NTRK1: variants seen among roughly 807,000 people sequenced by gnomAD.
NTRK1 encodes the protein high affinity nerve growth factor receptor.
Under a neutral mutation model 86.8 loss-of-function variants are expected in NTRK1, and 62 were observed. The observed-to-expected ratio is 0.71, with a 90% CI of 0.58 to 0.88. The LOEUF is 0.88. Ranked by LOEUF, NTRK1 falls within the 40% of genes least tolerant of loss-of-function variation. The pLI is 0.00. For missense variants in NTRK1, 967 were observed against 1,078.4 expected (o/e 0.90, Z 1.45); for synonymous variants, 469 against 456.6 (o/e 1.03, Z -0.35).
At chr1:156,858,885 G>A, upstream of NTRK1, 1 of 502,096 alleles carries the variant, frequency 2.0e-6, no homozygotes, top group Admixed American at 3.2e-5. Context: ...GATGCAGACA[G>A]TGACAGGGAG....
chr1:156,818,156 A>G (rs1378021223), intron 1 of NTRK1, among the ~76,000 whole-genome samples: 1 of 152,072 alleles, frequency 6.6e-6, no homozygotes, highest in African/African-American at 2.4e-5. Flanking sequence ...TCCTTTCACT[A>G]ATTTCACTGT....
rs184320190 is a variant in NTRK1 at position 156,817,225 on chromosome 1, A to C, written c.-64+1387A>C. 2.0e-5 allele frequency among the ~76,000 whole-genome samples: 3 copies of C among 152,106 alleles called. No homozygotes were observed. In the East Asian group the frequency reaches 5.8e-4, roughly 29 times the overall value. On this transcript the variant is annotated intron_variant, in intron 1 of 16. Transcript: ENST00000392302. Reference sequence around the variant, plus strand: ...TGCTTTGAGGAGACATGAGGAAGGGAGGGGGCAGGGCTGCAACAGGAAGGA... The same window carrying C: ...TGCTTTGAGGAGACATGAGGAAGGGCGGGGGCAGGGCTGCAACAGGAAGGA...
intron 1 of NTRK1, among the ~76,000 whole-genome samples, chr1:156,819,151 C>T (rs184792637): frequency 6.6e-6 from 1 of 152,142 alleles, no homozygotes; most frequent in African/African-American, 2.4e-5. Context: ...TACAGGTGAG[C>T]ACCAACCATG....
rs1420146544 is a variant in NTRK1, at chr1:156,854,332, A to T, written c.51-10022A>T. 1.9e-6 allele frequency: 3 copies of T among 1,568,310 alleles called. No individual in the cohort carries two copies. Among genetic ancestry groups the T allele is most frequent in the Non-Finnish European group, 2.6e-6 (3 of 1,157,500 alleles). ...TGGGCATACACGGCACGCAGCATTG[A>T]GTACAGCCCAGGCCAAATTCCCCAT... On this transcript the variant is annotated intron_variant, in intron 2 of 16. Transcript: ENST00000392302. This position sits in a 1 kb window ranked among gnomAD's most constrained non-coding sequence, Gnocchi z 4.2.
chr1:156,864,429 G>GT lies in NTRK1; in HGVS notation c.287+2dup, dbSNP rs768373757. On this transcript the variant is annotated splice_donor_variant, in intron 2 of 16. Coordinates refer to ENST00000524377, the MANE Select transcript of NTRK1 (RefSeq NM_002529.4). LOFTEE classifies it high-confidence loss of function. ...GGGGCCTGGGGGAGCTGAGAAACCT[G>GT]TGAGGGAAACGGGGACTGTGGGTGT... is the stretch of plus-strand genomic sequence containing the variant. 7 of 1,613,484 alleles carry GT rather than the reference G, an allele frequency of 4.3e-6. No homozygotes were observed. The East Asian group carries it at 1.1e-4, about 26-fold the overall frequency.
At chr1:156,868,366 T>C (rs1647301690) in intron 5 of NTRK1, 117 bp downstream of exon 5, 2 of 1,534,096 alleles carry the variant, frequency 1.3e-6, no homozygotes, top group Non-Finnish European at 1.8e-6. Flanking sequence ...TGGCAAAGGC[T>C]GGGGGAAACT....
chr1:156,834,183 A>G (rs1001618273), intron 1 of NTRK1, among the ~76,000 whole-genome samples: 14 of 152,208 alleles, frequency 9.2e-5, no homozygotes, highest in Non-Finnish European at 5.9e-5. Context: ...GAGATCAGAA[A>G]GGGCATCACG....
At chr1:156,828,457 GCCCTTCC>G (rs1654380677) in intron 1 of NTRK1, among the ~76,000 whole-genome samples, 1 of 152,268 alleles carries the variant, frequency 6.6e-6, no homozygotes, top group Non-Finnish European at 1.5e-5. Flanking sequence ...GAGGATAACA[GCCCTTCC>G]AGGGAGAGGC....
chr1:156,816,987 C>CCGT, intron 1 of NTRK1: 1 of 319,920 alleles, frequency 3.1e-6, no homozygotes, highest in Non-Finnish European at 5.7e-6. Flanking sequence ...CTTACTGCTG[C>CCGT]CTGACCTTCA....
At chr1:156,849,503 C>T in intron 2 of NTRK1, 2 of 483,664 alleles carry the variant, frequency 4.1e-6, no homozygotes, top group East Asian at 5.3e-5. Context: ...GAGGTGGGGG[C>T]AGGGGGTGGG....
intron 1 of NTRK1, among the ~76,000 whole-genome samples, chr1:156,836,544 A>T (rs1252785160): frequency 2.0e-5 from 3 of 152,126 alleles, no homozygotes; most frequent in African/African-American, 4.8e-5. Flanking sequence ...TCCTTGAACC[A>T]GCCTCACTTT....
chr1:156,816,530 G>T, intron 1 of NTRK1: 1 of 686,054 alleles, frequency 1.5e-6, no homozygotes, highest in African/African-American at 1.8e-5. Flanking sequence ...GCAGGGTTGT[G>T]GTCACCCTGC....
intron 2 of NTRK1, chr1:156,849,557 G>A: frequency 1.1e-6 from 1 of 909,624 alleles, no homozygotes. Context: ...GTTTTGCTGG[G>A]CCCGGGGAGA....
chr1:156,838,022 G>A (rs368943758), intron 1 of NTRK1, among the ~76,000 whole-genome samples: 8 of 152,096 alleles, frequency 5.3e-5, no homozygotes, highest in South Asian at 2.1e-4. Flanking sequence ...TCTCTGCTCC[G>A]TAGCCAGAGC....
At chr1:156,820,869 T>C (rs1434904168) in intron 1 of NTRK1, among the ~76,000 whole-genome samples, 1 of 152,204 alleles carries the variant, frequency 6.6e-6, no homozygotes, top group South Asian at 2.1e-4. Flanking sequence ...GTAGATTGCT[T>C]TGGGCAGTAT....
At chr1:156,867,058 G>A in intron 4 of NTRK1, 80 bp downstream of exon 4, 1 of 1,418,392 alleles carries the variant, frequency 7.1e-7, no homozygotes, top group Non-Finnish European at 1.0e-6. Flanking sequence ...GATGACATTG[G>A]GTCACTGTGT....
chr1:156,852,137 G>T, intron 2 of NTRK1: 1 of 1,612,980 alleles, frequency 6.2e-7, no homozygotes. Flanking sequence ...CAGGCATTCG[G>T]TGTGGCAGCA....
At chr1:156,875,295 G>A (rs769329729) in intron 11 of NTRK1, among the ~76,000 whole-genome samples, 15 of 152,058 alleles carry the variant, frequency 9.9e-5, no homozygotes, top group Non-Finnish European at 1.8e-4. Flanking sequence ...GCTCTGTGGG[G>A]GTGGAGGGGG....
At chr1:156,817,921 G>A (rs1031130899) in intron 1 of NTRK1, among the ~76,000 whole-genome samples, 1 of 152,304 alleles carries the variant, frequency 6.6e-6, no homozygotes, top group Middle Eastern at 3.4e-3. Flanking sequence ...GGGATTACAG[G>A]CGTGAGCCAC....
Sources: allele counts gnomAD v4.1 joint callset (sites outside exome capture counted in the v4.1 genomes callset), GRCh38; gene constraint gnomAD v4.1.1; non-coding constraint Gnocchi (gnomAD v3.1); transcripts MANE v1.5; gene names NCBI Gene and HGNC (gene_info 2026-07-23, HGNC 2026-07-21).